Variants in MRPL20 observed in about 807,000 individuals in gnomAD.
The protein encoded by MRPL20 is large ribosomal subunit protein bL20m.
MRPL20 carries 21 observed loss-of-function variants against 20.0 expected under a neutral mutation model. The ratio of observed to expected loss-of-function variants is 1.05; its 90% CI spans 0.74 to 1.51. MRPL20 has a LOEUF of 1.51. MRPL20 is among the 40% of genes most tolerant of loss of function. MRPL20 has a pLI of 0.00. For missense variants in MRPL20, 252 were observed against 185.6 expected (o/e 1.36, Z -2.08); for synonymous variants, 104 against 73.0 (o/e 1.43, Z -2.17).
chr1:1,402,297 C>G, intron 3 of MRPL20, 41 bp from the exon 4 acceptor site: 2 of 1,577,782 alleles, frequency 1.3e-6, no homozygotes, highest in Non-Finnish European at 8.6e-7. Context: ...CAGTGTGAGA[C>G]ACACACTCCG....
chr1:1,402,022 T>G lies in MRPL20; in HGVS notation c.*61A>C. ...TTATTGGGTTGTAGATAAACAAAAG[T>G]ATAAATCAAACAAACTGCAAATTAC... On this transcript the variant is annotated 3_prime_UTR_variant, in exon 4 of 4. Transcript: ENST00000344843. The G allele has an allele frequency of 6.5e-7, 1 of 1,549,386 alleles. No homozygotes were observed. The highest frequency in any genetic ancestry group is 8.7e-7 in the Non-Finnish European group (1 of 1,143,462).
In MRPL20 at chr1:1,407,228, G is replaced by A. The variant is rs575962250; in HGVS notation, c.-11C>T. On this transcript the variant is annotated 5_prime_UTR_variant, in exon 1 of 4. Coordinates refer to ENST00000344843, the MANE Select transcript of MRPL20 (RefSeq NM_017971.4). The stretch of plus-strand genomic sequence containing the variant: ...GGTGAGGAAGACCATGGCGCCTGCA[G>A]GCCGGCGTCCCGAACACTCAACAAC... 24 of 1,589,340 alleles carry A rather than the reference G, an allele frequency of 1.5e-5. No homozygotes were observed. The highest frequency in any genetic ancestry group is 1.1e-4 in the Admixed American group (6 of 55,876).
At chr1:1,404,278 C>T (rs911941181) in intron 3 of MRPL20, among the ~76,000 whole-genome samples, 5 of 151,540 alleles carry the variant, frequency 3.3e-5, no homozygotes, top group East Asian at 1.9e-4. Context: ...CTCAGCCTCC[C>T]GAGTAGCTGG....
intron 3 of MRPL20, among the ~76,000 whole-genome samples, chr1:1,403,127 C>CAAAAAAAAAA (rs113198351): frequency 1.4e-5 from 2 of 138,474 alleles, no homozygotes; most frequent in East Asian, 2.1e-4. Flanking sequence ...AGATTGTATC[C>CAAAAAAAAAA]AAAAAAAAAA....
rs1645334698 is a variant in MRPL20 at position 1,402,012 on chromosome 1, TAAAC to T, written c.*67_*70del. ...CTCATGTCTGTTATTGGGTTGTAGA[TAAAC>T]AAAAGTATAAATCAAACAAACTGCA... On this transcript the variant is annotated 3_prime_UTR_variant, in exon 4 of 4. Transcript: ENST00000344843. 9 of 1,521,252 alleles carry T rather than the reference TAAAC, an allele frequency of 5.9e-6. No homozygotes were observed. Among genetic ancestry groups the T allele is most frequent in the Non-Finnish European group, 4.4e-6 (5 of 1,123,716 alleles). 94.2% of individuals were successfully genotyped at this position (1,521,252 alleles called of 1,614,324 possible). A position where few individuals can be genotyped will look rare whatever the true frequency, so the allele number is the denominator to read the frequency against.
Position 1,402,274 on chromosome 1 carries a change from C to T in MRPL20, c.277-18G>A, listed in dbSNP as rs772777839. 6.3e-7 allele frequency: 1 copy of T among 1,598,954 alleles called. No individual in the cohort carries two copies. The highest frequency in any genetic ancestry group is 8.5e-7 in the Non-Finnish European group (1 of 1,172,860). ...ACCTGGCACTGAAAAAAGAATGAAT[C>T]AGAACCTGCTGTCAGTGTGAGACAC... On this transcript the variant is annotated intron_variant, in intron 3 of 3. Transcript: ENST00000344843.
intron 3 of MRPL20, 134 bp from the exon 4 acceptor site, chr1:1,402,390 T>G (rs1270169942): frequency 7.1e-7 from 1 of 1,412,302 alleles, no homozygotes; most frequent in Non-Finnish European, 9.2e-7. Context: ...GAGAATCCTA[T>G]CTGGGTGGCA....
In MRPL20 at chr1:1,405,789, A is replaced by C. The variant is rs745431409; in HGVS notation, c.276+20T>G. On this transcript the variant is annotated intron_variant, in intron 3 of 3. Coordinates refer to ENST00000344843, the MANE Select transcript of MRPL20 (RefSeq NM_017971.4). ...TGCAGATGTCCAGAATTTCAGTGGG[A>C]CCCACATACTCACCCATACCTTAAC... 9.3e-6 allele frequency: 15 copies of C among 1,614,142 alleles called. No individual in the cohort carries two copies. In the Admixed American group the frequency reaches 2.5e-4, roughly 27 times the overall value.
intron 3 of MRPL20, chr1:1,402,535 C>T (rs1645341855): frequency 8.4e-7 from 1 of 1,186,254 alleles, no homozygotes. Context: ...GTTCAGGGTC[C>T]TTGGTCACCA....
chr1:1,402,108 A>G lies in MRPL20; in HGVS notation c.425T>C (p.Phe142Ser). The change falls in exon 4 of 4, where the codon TTT (phenylalanine) becomes TCT (serine). Residue 142 changes from phenylalanine (F) to serine (S), a missense_variant. Coordinates refer to ENST00000344843, the MANE Select transcript of MRPL20 (RefSeq NM_017971.4). Reference protein sequence around the residue: ...LGDGKEPEGIFSRVVQYH With the variant: ...LGDGKEPEGISSRVVQYH ...TCAGTGGTACTGCACCACTCTGGAA[A>G]AAATGCCTTCAGGTTCCTTCCCATC... 6.2e-7 allele frequency: 1 copy of G among 1,614,136 alleles called. No individual in the cohort carries two copies. The highest frequency in any genetic ancestry group is 8.5e-7 in the Non-Finnish European group (1 of 1,180,016).
intron 3 of MRPL20, among the ~76,000 whole-genome samples, chr1:1,404,958 C>G (rs924017207): frequency 2.0e-5 from 3 of 152,042 alleles, no homozygotes; most frequent in Non-Finnish European, 2.9e-5. Flanking sequence ...ACATGGACTG[C>G]TAACAGGCTG....
At chr1:1,405,498 C>T in intron 3 of MRPL20, 1 of 604,188 alleles carries the variant, frequency 1.7e-6, no homozygotes, top group Non-Finnish European at 3.0e-6. Context: ...CTGTTGCTGG[C>T]ACTATTCCTA....
chr1:1,406,774 T>C, intron 2 of MRPL20, 135 bp downstream of exon 2: 1 of 760,410 alleles, frequency 1.3e-6, no homozygotes, highest in Non-Finnish European at 2.3e-6. Flanking sequence ...CGACATAATT[T>C]GTCGGAGTTT....
In MRPL20 at chr1:1,407,007, T is replaced by G. The variant is rs1210214553; in HGVS notation, c.100A>C (p.Arg34=). The G allele has an allele frequency of 6.2e-7, 1 of 1,613,606 alleles. No individual in the cohort carries two copies. Among genetic ancestry groups the G allele is most frequent in the Non-Finnish European group, 8.5e-7 (1 of 1,179,582 alleles). ...VLKHARHFRG[R]KNRCYRLAVR... is the part of the protein sequence containing the mutation. ...GCCAACCTGTAGCAGCGATTTTTCC[T>G]TCCCCGGAAGTGCTGGGACAGAAAA... is the stretch of plus-strand genomic sequence containing the variant. Residue 34 remains arginine (R), a synonymous_variant, in exon 2 of 4, where the codon AGG becomes CGG. Transcript: ENST00000344843.
intron 3 of MRPL20, among the ~76,000 whole-genome samples, chr1:1,403,515 T>G (rs868434661): frequency 1.3e-5 from 2 of 152,128 alleles, no homozygotes; most frequent in East Asian, 3.9e-4. Flanking sequence ...GTGCTGGGAT[T>G]ACAGGCGTGA....
chr1:1,403,771 C>T (rs1225701062), intron 3 of MRPL20, among the ~76,000 whole-genome samples: 3 of 152,178 alleles, frequency 2.0e-5, no homozygotes, highest in East Asian at 3.9e-4. Flanking sequence ...TCCGTTCGCT[C>T]CAAAACATTC....
intron 3 of MRPL20, among the ~76,000 whole-genome samples, chr1:1,404,924 G>A (rs963376652): frequency 2.6e-5 from 4 of 152,062 alleles, no homozygotes; most frequent in African/African-American, 9.7e-5. Context: ...CGGTGCAGCT[G>A]GAGTGGCACT....
rs1240711 is a variant in MRPL20 at position 1,405,162 on chromosome 1, G to T, written c.276+647C>A. On this transcript the variant is annotated intron_variant, in intron 3 of 3. Transcript: ENST00000344843. ...CCGCCACCACACCTGGCTAATTTTT[G>T]TATTTTTAGTAGAGACAGGGTTTCA... 8.8e-3 allele frequency: 1,346 copies of T among 153,612 alleles called. 20 individuals carry two copies. Among genetic ancestry groups the T allele is most frequent in the African/African-American group, 0.029 (1,222 of 41,538 alleles). 9.5% of individuals were successfully genotyped at this position (153,612 alleles called of 1,614,324 possible). A position where few individuals can be genotyped will look rare whatever the true frequency, so the allele number is the denominator to read the frequency against.
chr1:1,404,859 A>C (rs1645368306), intron 3 of MRPL20, among the ~76,000 whole-genome samples: 1 of 152,116 alleles, frequency 6.6e-6, no homozygotes, highest in South Asian at 2.1e-4. Context: ...GCTGCCAACC[A>C]GTGCGGTAAG....
Sources: allele counts gnomAD v4.1 joint callset (sites outside exome capture counted in the v4.1 genomes callset), GRCh38; gene constraint gnomAD v4.1.1; transcripts MANE v1.5; gene names NCBI Gene and HGNC (gene_info 2026-07-23, HGNC 2026-07-21).